Variants in LRRTM4 observed in about 807,000 individuals in gnomAD.
LRRTM4 encodes the protein leucine rich repeat transmembrane neuronal 4.
LRRTM4 carries 25 observed loss-of-function variants against 47.6 expected under a neutral mutation model. That is an observed-to-expected ratio of 0.53 (90% CI 0.38 to 0.73). LRRTM4 has a LOEUF of 0.73. Ranked by LOEUF, LRRTM4 falls within the 30% of genes least tolerant of loss-of-function variation. The pLI, the probability that LRRTM4 is intolerant of heterozygous loss-of-function variation, is 0.00. For synonymous variants in LRRTM4, 311 were observed against 269.5 expected, an observed-to-expected ratio of 1.15 and a Z score of -1.51; for missense variants, 638 against 713.4, an observed-to-expected ratio of 0.89 and a Z score of 1.20.
intron 3 of LRRTM4, among the ~76,000 whole-genome samples, chr2:77,207,349 G>GTATATATATATATATATA (rs1553409290): frequency 1.3e-4 from 16 of 120,824 alleles, no homozygotes; most frequent in African/African-American, 5.9e-4. Flanking sequence ...TCATATATGT[G>GTATATATATATATATATA]TATATATATA....
intron 3 of LRRTM4, among the ~76,000 whole-genome samples, chr2:77,116,881 G>A (rs1360585522): frequency 6.6e-6 from 1 of 151,962 alleles, no homozygotes; most frequent in Non-Finnish European, 1.5e-5. Context: ...ACCAAGTTGT[G>A]CAACAATCAA....
At chr2:76,937,819 G>C (rs1203030864) in intron 3 of LRRTM4, among the ~76,000 whole-genome samples, 1 of 152,046 alleles carries the variant, frequency 6.6e-6, no homozygotes. Flanking sequence ...GCCCACCTCA[G>C]GCTCCCAAAG....
At chr2:77,400,258 A>G (rs1673894606) in intron 3 of LRRTM4, among the ~76,000 whole-genome samples, 1 of 150,520 alleles carries the variant, frequency 6.6e-6, no homozygotes, top group Non-Finnish European at 1.5e-5. Flanking sequence ...GCGATTTTTG[A>G]TTTTTGCTCT....
chr2:77,354,184 A>G (rs555405936), intron 3 of LRRTM4, among the ~76,000 whole-genome samples: 1 of 152,206 alleles, frequency 6.6e-6, no homozygotes, highest in African/African-American at 2.4e-5. Flanking sequence ...TGTCTTAAGG[A>G]GAGATGCTTT....
chr2:76,951,886 G>T (rs139126506), intron 3 of LRRTM4, among the ~76,000 whole-genome samples: 1 of 151,866 alleles, frequency 6.6e-6, no homozygotes, highest in Non-Finnish European at 1.5e-5. Flanking sequence ...GCAGTGTTTA[G>T]TTTTCTGTTC....
At chr2:76,809,577 T>C (rs1670666546) in intron 3 of LRRTM4, among the ~76,000 whole-genome samples, 2 of 152,176 alleles carry the variant, frequency 1.3e-5, no homozygotes, top group Non-Finnish European at 2.9e-5. Flanking sequence ...TCTTGTCTTG[T>C]CTATGAGAGC....
At chr2:77,088,032 C>T (rs1680782764) in intron 3 of LRRTM4, among the ~76,000 whole-genome samples, 1 of 152,118 alleles carries the variant, frequency 6.6e-6, no homozygotes, top group African/African-American at 2.4e-5. Context: ...GCAGGGACAA[C>T]AAATACAAGT....
At chr2:77,295,255 T>C (rs1009838991) in intron 3 of LRRTM4, among the ~76,000 whole-genome samples, 13 of 152,180 alleles carry the variant, frequency 8.5e-5, no homozygotes, top group African/African-American at 3.1e-4. Context: ...TTATATTATA[T>C]TGGATACAGT....
chr2:76,803,484 T>C (rs1335528164), intron 3 of LRRTM4, among the ~76,000 whole-genome samples: 2 of 152,174 alleles, frequency 1.3e-5, no homozygotes, highest in Admixed American at 6.6e-5. Flanking sequence ...CAAACCCTTG[T>C]ACGCTGTTGA....
chr2:76,902,996 C>G (rs962343821), intron 3 of LRRTM4, among the ~76,000 whole-genome samples: 3 of 152,140 alleles, frequency 2.0e-5, no homozygotes, highest in Non-Finnish European at 4.4e-5. Context: ...TAATTTTAAA[C>G]TGTCAATCAA....
intron 3 of LRRTM4, among the ~76,000 whole-genome samples, chr2:77,197,401 C>T (rs1476169972): frequency 1.3e-5 from 2 of 151,976 alleles, no homozygotes; most frequent in Non-Finnish European, 2.9e-5. Context: ...AGTAAAATTG[C>T]CATTATTTTC....
At chr2:76,935,447 G>A (rs1324108837) in intron 3 of LRRTM4, among the ~76,000 whole-genome samples, 3 of 152,062 alleles carry the variant, frequency 2.0e-5, no homozygotes, top group Non-Finnish European at 2.9e-5. Context: ...TGGGCAGTAT[G>A]GCCATTTTCA....
At chr2:77,493,184 T>C (rs986510372) in intron 3 of LRRTM4, among the ~76,000 whole-genome samples, 6 of 152,068 alleles carry the variant, frequency 3.9e-5, no homozygotes, top group Non-Finnish European at 8.8e-5. Flanking sequence ...GTTAAATACG[T>C]TCATTATGCA....
intron 3 of LRRTM4, among the ~76,000 whole-genome samples, chr2:77,114,218 A>G (rs886823488): frequency 5.3e-5 from 8 of 152,170 alleles, no homozygotes; most frequent in Admixed American, 3.9e-4. Context: ...TGATGGGAAC[A>G]TAATTCCCTG....
intron 3 of LRRTM4, among the ~76,000 whole-genome samples, chr2:76,958,124 A>G (rs2103904686): frequency 1.3e-5 from 2 of 151,810 alleles, no homozygotes; most frequent in Middle Eastern, 6.8e-3. Context: ...GGAATACAAC[A>G]TTTCTTCCCA....
intron 3 of LRRTM4, among the ~76,000 whole-genome samples, chr2:76,781,974 C>G (rs1468095670): frequency 1.3e-5 from 2 of 152,136 alleles, no homozygotes; most frequent in African/African-American, 2.4e-5. Context: ...AGCCAAACCT[C>G]TTTCTAAAAT....
intron 3 of LRRTM4, among the ~76,000 whole-genome samples, chr2:77,073,816 A>C (rs1162071011): frequency 6.6e-6 from 1 of 151,966 alleles, no homozygotes; most frequent in Non-Finnish European, 1.5e-5. Flanking sequence ...TTAAAAATTC[A>C]CTATGGCTAA....
At chr2:76,758,628 A>G (rs551623817) in intron 3 of LRRTM4, among the ~76,000 whole-genome samples, 1 of 152,340 alleles carries the variant, frequency 6.6e-6, no homozygotes, top group Non-Finnish European at 1.5e-5. Context: ...ACTCACAAAT[A>G]ATACTGGTCT....
chr2:76,813,022 G>T (rs1251911676), intron 3 of LRRTM4, among the ~76,000 whole-genome samples: 1 of 151,838 alleles, frequency 6.6e-6, no homozygotes, highest in Non-Finnish European at 1.5e-5. Context: ...AAAATTAGCT[G>T]GCATGGTGGT....
Sources: gnomAD v4.1 joint callset for allele counts (sites outside exome capture counted in the v4.1 genomes callset) on GRCh38, gnomAD v4.1.1 for gene constraint, MANE v1.5 for transcripts, NCBI Gene and HGNC (gene_info 2026-07-23, HGNC 2026-07-21) for gene names.